The following PPARGC1A variants were observed in gnomAD, a reference collection of about 807,000 sequenced individuals.
The protein encoded by PPARGC1A is PPARG coactivator 1 alpha.
A neutral mutation model predicts 88.7 loss-of-function variants in PPARGC1A; 25 were observed. The observed-to-expected ratio is 0.28, with a 90% CI of 0.21 to 0.39. The LOEUF is 0.39. PPARGC1A is among the 10% of genes least tolerant of loss of function. The pLI is 1.00. For missense variants in PPARGC1A, 880 were observed against 968.7 expected (o/e 0.91, Z 1.22); for synonymous variants, 363 against 355.6 (o/e 1.02, Z -0.24).
At chr4:24,312,633 CA>C in the PPARGC1A span, among the ~76,000 whole-genome samples, 966 of 126,000 alleles carry the variant, frequency 7.7e-3, 12 homozygotes, top group African/African-American at 0.023. Flanking sequence ...TTTCATCAAC[CA>C]AAAAAAAAAA....
the PPARGC1A span, among the ~76,000 whole-genome samples, chr4:24,250,080 A>C: frequency 6.6e-6 from 1 of 152,178 alleles, no homozygotes; most frequent in African/African-American, 2.4e-5. Context: ...AGACAGTGGA[A>C]ATGGGCAGGA....
the PPARGC1A span, among the ~76,000 whole-genome samples, chr4:24,415,896 T>G: frequency 6.6e-6 from 1 of 152,170 alleles, no homozygotes; most frequent in Non-Finnish European, 1.5e-5. Flanking sequence ...TGCAGGGATT[T>G]GAGAAAGATA....
the PPARGC1A span, among the ~76,000 whole-genome samples, chr4:24,349,355 T>C: frequency 6.6e-6 from 1 of 152,272 alleles, no homozygotes; most frequent in East Asian, 1.9e-4. Flanking sequence ...GGCGGGGCCC[T>C]AGAACTCCCA....
intron 2 of PPARGC1A, chr4:23,884,483 C>T (rs981239801): frequency 5.0e-6 from 2 of 401,372 alleles, no homozygotes; most frequent in Non-Finnish European, 8.8e-6. Flanking sequence ...CTTTCACAAC[C>T]CTTTAGTATT....
chr4:23,978,780 C>T, the PPARGC1A span, among the ~76,000 whole-genome samples: 2 of 152,108 alleles, frequency 1.3e-5, no homozygotes, highest in African/African-American at 4.8e-5. Flanking sequence ...GAAACACCTG[C>T]AGGACTGTGT....
chr4:24,177,333 G>A, the PPARGC1A span, among the ~76,000 whole-genome samples: 1 of 151,960 alleles, frequency 6.6e-6, no homozygotes, highest in African/African-American at 2.4e-5. Context: ...GGATGAAGCT[G>A]GAAACCATCA....
the PPARGC1A span, among the ~76,000 whole-genome samples, chr4:24,244,524 A>C: frequency 6.6e-6 from 1 of 152,208 alleles, no homozygotes; most frequent in African/African-American, 2.4e-5. Flanking sequence ...CCAGGATTCA[A>C]ACCCATGTTC....
At chr4:23,893,053 G>A (rs1323028197), upstream of PPARGC1A, among the ~76,000 whole-genome samples, 3 of 151,746 alleles carry the variant, frequency 2.0e-5, no homozygotes, top group African/African-American at 7.3e-5. Flanking sequence ...TGCCCCCAAT[G>A]TTGCATATCT....
chr4:24,203,013 G>T, the PPARGC1A span, among the ~76,000 whole-genome samples: 4 of 152,166 alleles, frequency 2.6e-5, no homozygotes, highest in Non-Finnish European at 4.4e-5. Flanking sequence ...TCTTTCTCCA[G>T]AAAGGTTTGT....
chr4:23,982,802 G>A, the PPARGC1A span, among the ~76,000 whole-genome samples: 13 of 152,222 alleles, frequency 8.5e-5, no homozygotes, highest in African/African-American at 2.2e-4. Context: ...GTAAGATAAC[G>A]TCTGTAAAGC....
At chr4:24,044,285 T>C in the PPARGC1A span, among the ~76,000 whole-genome samples, 3 of 152,202 alleles carry the variant, frequency 2.0e-5, no homozygotes, top group Admixed American at 1.3e-4. Context: ...GTCATCCTGG[T>C]CACAGTTTCT....
intron 2 of PPARGC1A, among the ~76,000 whole-genome samples, chr4:23,858,576 C>T (rs1325918713): frequency 6.6e-6 from 1 of 152,156 alleles, no homozygotes; most frequent in East Asian, 1.9e-4. Flanking sequence ...TTTGGGCAAG[C>T]CCCTTTAAGT....
Position 23,794,680 on chromosome 4 carries a change from CAAAA to C in PPARGC1A, c.*1138_*1141del, listed in dbSNP as rs1479109416. 1 of 152,230 alleles carries C rather than the reference CAAAA, an allele frequency of 6.6e-6. No homozygotes were observed. Among genetic ancestry groups the C allele is most frequent in the African/African-American group, 2.4e-5 (1 of 41,346 alleles). The allele number at this position is 152,230 out of a possible 1,614,324, so 9.4% of individuals were successfully genotyped here. ...CTGCATTTACAGTGCATAGCTGTAA[CAAAA>C]AAGAACATTGTTGTATAGTATATAC... is the stretch of plus-strand genomic sequence containing the variant. On this transcript the variant is annotated 3_prime_UTR_variant, in exon 13 of 13. Coordinates refer to ENST00000264867, the MANE Select transcript of PPARGC1A (RefSeq NM_013261.5).
the PPARGC1A span, among the ~76,000 whole-genome samples, chr4:24,083,343 C>T: frequency 1.3e-5 from 2 of 152,272 alleles, no homozygotes; most frequent in Admixed American, 6.5e-5. Flanking sequence ...CAAACACCTC[C>T]GCAAGTCTCC....
chr4:23,906,750 C>T (rs554964107), upstream of PPARGC1A, among the ~76,000 whole-genome samples: 1 of 152,030 alleles, frequency 6.6e-6, no homozygotes, highest in East Asian at 1.9e-4. Flanking sequence ...GTAGAATCAA[C>T]GTCCAACAGA....
the PPARGC1A span, among the ~76,000 whole-genome samples, chr4:24,164,844 GGGAA>G: frequency 6.6e-6 from 1 of 152,098 alleles, no homozygotes. Flanking sequence ...TTTCTATAGG[GGGAA>G]GGAAGGCGGG....
At chr4:23,945,850 C>G in the PPARGC1A span, among the ~76,000 whole-genome samples, 1 of 152,166 alleles carries the variant, frequency 6.6e-6, no homozygotes, top group Non-Finnish European at 1.5e-5. Context: ...ACAAAAGAAG[C>G]CTAACCTGAT....
the PPARGC1A span, among the ~76,000 whole-genome samples, chr4:24,114,105 CAG>C: frequency 8.8e-6 from 1 of 113,862 alleles, no homozygotes; most frequent in Non-Finnish European, 1.6e-5. Flanking sequence ...GCCTGGGAGA[CAG>C]AGAGAGACTC....
the PPARGC1A span, among the ~76,000 whole-genome samples, chr4:24,261,798 A>AT: frequency 6.6e-6 from 1 of 151,698 alleles, no homozygotes; most frequent in African/African-American, 2.4e-5. Context: ...CAGCATGTCA[A>AT]TTTTTTTTCC....
Sources: allele counts gnomAD v4.1 joint callset (sites outside exome capture counted in the v4.1 genomes callset), GRCh38; gene constraint gnomAD v4.1.1; transcripts MANE v1.5; gene names NCBI Gene and HGNC (gene_info 2026-07-23, HGNC 2026-07-21).